Variants in RNF13 observed in about 807,000 individuals in gnomAD.
RNF13 encodes the protein E3 ubiquitin-protein ligase RNF13.
A neutral mutation model predicts 37.7 loss-of-function variants in RNF13; 19 were observed. The ratio of observed to expected loss-of-function variants is 0.50; its 90% confidence interval spans 0.35 to 0.74. The LOEUF (loss-of-function observed/expected upper bound fraction) is 0.74, where lower values mean the gene tolerates loss of function less well. Ranked by LOEUF, RNF13 falls within the 30% of genes least tolerant of loss-of-function variation. The pLI, the probability that RNF13 is intolerant of heterozygous loss-of-function variation, is 0.01. For missense variants in RNF13, 375 were observed against 453.0 expected (o/e 0.83, Z 1.56); for synonymous variants, 144 against 157.8 (o/e 0.91, Z 0.65).
Position 149,923,234 on chromosome 3 carries a change from G to T in RNF13, c.700+2007G>T, listed in dbSNP as rs531556675. Among the ~76,000 whole-genome samples, 3 of 152,134 alleles carry T rather than the reference G, an allele frequency of 2.0e-5. No homozygotes were observed. The South Asian group carries it at 6.2e-4, about 32-fold the overall frequency. ...CAGTGATTTACATTATCATTATACAGTGTGGATTAGTTAATAGTTTTTTTT... is the reference window on the plus strand; with the variant it reads ...CAGTGATTTACATTATCATTATACATTGTGGATTAGTTAATAGTTTTTTTT... On this transcript the variant is annotated intron_variant, in intron 8 of 9. Coordinates refer to ENST00000392894, the MANE Select transcript of RNF13 (RefSeq NM_183381.3).
At chr3:149,887,095 C>T (rs1470643018) in intron 4 of RNF13, among the ~76,000 whole-genome samples, 1 of 152,130 alleles carries the variant, frequency 6.6e-6, no homozygotes, top group Admixed American at 6.5e-5. Context: ...ACTTGAATCG[C>T]TGACACCACC....
chr3:149,912,181 G>T, intron 7 of RNF13, 98 bp downstream of exon 7: 1 of 611,554 alleles, frequency 1.6e-6, no homozygotes, highest in Non-Finnish European at 2.9e-6. Context: ...GTACATAAAA[G>T]AGTACATATT....
intron 3 of RNF13, among the ~76,000 whole-genome samples, chr3:149,860,841 A>G (rs1724183806): frequency 6.6e-6 from 1 of 152,154 alleles, no homozygotes; most frequent in Non-Finnish European, 1.5e-5. Context: ...TGAATGGGAG[A>G]AGATATTTGC....
chr3:149,912,693 T>C (rs922384535), intron 7 of RNF13, among the ~76,000 whole-genome samples: 4 of 152,122 alleles, frequency 2.6e-5, no homozygotes, highest in African/African-American at 9.7e-5. Context: ...ATGTTTGAAA[T>C]TTTTTATATT....
intron 7 of RNF13, among the ~76,000 whole-genome samples, chr3:149,920,598 G>A (rs1189617870): frequency 6.6e-6 from 1 of 151,910 alleles, no homozygotes; most frequent in African/African-American, 2.4e-5. Context: ...TTGGCCCTGT[G>A]TACTTTCTTT....
chr3:149,815,069 A>G (rs1046837030), intron 1 of RNF13, among the ~76,000 whole-genome samples: 3 of 152,094 alleles, frequency 2.0e-5, no homozygotes, highest in Non-Finnish European at 2.9e-5. Context: ...GTTCTCATCT[A>G]TGCTTGTATA....
intron 8 of RNF13, among the ~76,000 whole-genome samples, chr3:149,951,635 T>C (rs978539413): frequency 6.2e-4 from 94 of 152,310 alleles, no homozygotes; most frequent in African/African-American, 2.3e-3. Context: ...ATGGGTTATT[T>C]AGAATTAAGT....
At chr3:149,890,968 G>T (rs1714636081) in intron 4 of RNF13, among the ~76,000 whole-genome samples, 2 of 152,078 alleles carry the variant, frequency 1.3e-5, no homozygotes, top group Non-Finnish European at 2.9e-5. Context: ...TTTGTTTATA[G>T]GTTTTATTTT....
At chr3:149,824,243 C>A (rs754032995) in intron 1 of RNF13, among the ~76,000 whole-genome samples, 46 of 152,152 alleles carry the variant, frequency 3.0e-4, no homozygotes, top group Non-Finnish European at 5.9e-4. Flanking sequence ...CCGTGGTAGG[C>A]AGAATAATGA....
chr3:149,897,129 T>C (rs1715352079), intron 5 of RNF13, among the ~76,000 whole-genome samples: 1 of 152,228 alleles, frequency 6.6e-6, no homozygotes, highest in South Asian at 2.1e-4. Context: ...TCAGTAACTT[T>C]TGTGATCTGT....
At chr3:149,933,515 T>C (rs116209521) in intron 8 of RNF13, among the ~76,000 whole-genome samples, 3,612 of 152,110 alleles carry the variant, frequency 0.024, 65 homozygotes, top group Non-Finnish European at 0.035. Context: ...CTGATTTTTG[T>C]ATGTTGATTT....
intron 4 of RNF13, among the ~76,000 whole-genome samples, chr3:149,887,802 A>G (rs1714218360): frequency 1.3e-5 from 2 of 152,222 alleles, no homozygotes; most frequent in Non-Finnish European, 2.9e-5. Flanking sequence ...AAGAGTGAAT[A>G]TCTTCATTTT....
chr3:149,895,136 T>C (rs559479871), intron 4 of RNF13: 1 of 170,670 alleles, frequency 5.9e-6, no homozygotes, highest in Non-Finnish European at 1.2e-5. Context: ...TATTAAGCAT[T>C]TTTAAAATAT....
chr3:149,841,245 T>G (rs569889465), intron 1 of RNF13, among the ~76,000 whole-genome samples: 13 of 152,314 alleles, frequency 8.5e-5, no homozygotes, highest in Non-Finnish European at 1.9e-4. Flanking sequence ...GAATTTAAGC[T>G]TGCTAACCTT....
rs539635176 is a variant in RNF13 at position 149,838,725 on chromosome 3, A to G, written c.-16-7286A>G. Among the ~76,000 whole-genome samples, 127 of 152,136 alleles carry G rather than the reference A, an allele frequency of 8.3e-4. 1 individual carries two copies. Among genetic ancestry groups the G allele is most frequent in the Non-Finnish European group, 1.4e-3 (95 of 67,890 alleles). ...CTGTGATGGGAGAGGCTGCCATGAC[A>G]ACCTCTGACATGCCCTGGAGACATT... On this transcript the variant is annotated intron_variant, in intron 1 of 9. Transcript: ENST00000392894.
intron 7 of RNF13, among the ~76,000 whole-genome samples, chr3:149,912,416 G>A (rs1404471758): frequency 1.3e-5 from 2 of 152,052 alleles, no homozygotes; most frequent in Non-Finnish European, 2.9e-5. Context: ...AATTAATTGT[G>A]TTGTACATTT....
chr3:149,920,663 G>A (rs1040961288), intron 7 of RNF13, among the ~76,000 whole-genome samples: 12 of 151,780 alleles, frequency 7.9e-5, no homozygotes, highest in African/African-American at 2.7e-4. Context: ...CATTTTATCC[G>A]GCATTTCTGA....
intron 2 of RNF13, among the ~76,000 whole-genome samples, chr3:149,849,506 A>G (rs551597326): frequency 6.6e-6 from 1 of 152,280 alleles, no homozygotes; most frequent in Admixed American, 6.5e-5. Flanking sequence ...CTACCACTCT[A>G]TTTGCATGAC....
At chr3:149,881,863 G>A (rs958824849) in intron 4 of RNF13, among the ~76,000 whole-genome samples, 2 of 152,182 alleles carry the variant, frequency 1.3e-5, no homozygotes, top group African/African-American at 4.8e-5. Flanking sequence ...CCTCAGAGAA[G>A]AGAAGGAAAC....
Sources: allele counts gnomAD v4.1 joint callset (sites outside exome capture counted in the v4.1 genomes callset), GRCh38; gene constraint gnomAD v4.1.1; transcripts MANE v1.5; gene names NCBI Gene and HGNC (gene_info 2026-07-23, HGNC 2026-07-21).